CSMD3: variants seen among roughly 807,000 people sequenced by gnomAD.
CSMD3 encodes CUB and Sushi multiple domains 3, also known as CUB and sushi domain-containing protein 3.
A neutral mutation model predicts 435.2 loss-of-function variants in CSMD3; 177 were observed. The observed-to-expected ratio is 0.41, with a 90% CI of 0.36 to 0.46. The LOEUF is 0.46. Among genes scored for constraint, CSMD3 ranks in the 20% least tolerant of loss-of-function variants. The pLI is 0.34. For missense variants in CSMD3, 4,265 were observed against 4,504.6 expected, an observed-to-expected ratio of 0.95 and a Z score of 1.52; for synonymous variants, 1,656 against 1,520.5, an observed-to-expected ratio of 1.09 and a Z score of -2.07.
intron 3 of CSMD3, among the ~76,000 whole-genome samples, chr8:113,186,774 C>T (rs1437935018): frequency 3.9e-5 from 6 of 151,990 alleles, no homozygotes; most frequent in African/African-American, 1.2e-4. Flanking sequence ...CTTTATTTAA[C>T]GTTCCACAGC....
intron 10 of CSMD3, among the ~76,000 whole-genome samples, chr8:112,915,120 A>T (rs1392669582): frequency 1.3e-5 from 2 of 151,902 alleles, no homozygotes; most frequent in African/African-American, 4.8e-5. Context: ...CTATTTTAAT[A>T]ATTTTTCAAC....
At chr8:112,835,239 G>A (rs1334103697) in intron 11 of CSMD3, among the ~76,000 whole-genome samples, 1 of 151,874 alleles carries the variant, frequency 6.6e-6, no homozygotes, top group East Asian at 1.9e-4. Context: ...TTTGTTAAAA[G>A]TGGTACAGAA....
intron 13 of CSMD3, among the ~76,000 whole-genome samples, chr8:112,797,848 C>G (rs576545654): frequency 1.3e-5 from 2 of 151,770 alleles, no homozygotes; most frequent in East Asian, 3.9e-4. Context: ...AAAAAAAATC[C>G]TGGTAAACTA....
chr8:113,170,734 CAT>C (rs1025700056), intron 4 of CSMD3, among the ~76,000 whole-genome samples: 4 of 152,056 alleles, frequency 2.6e-5, no homozygotes, highest in African/African-American at 7.2e-5. Context: ...CAGCACATAA[CAT>C]AATGCTTTGC....
chr8:112,734,509 C>A (rs1336565861), intron 13 of CSMD3, among the ~76,000 whole-genome samples: 3 of 151,906 alleles, frequency 2.0e-5, no homozygotes, highest in Non-Finnish European at 4.4e-5. Context: ...AATATTTACA[C>A]ATCAATTTTT....
At chr8:112,909,406 CAT>C (rs2082346670) in intron 10 of CSMD3, among the ~76,000 whole-genome samples, 1 of 151,412 alleles carries the variant, frequency 6.6e-6, no homozygotes, top group African/African-American at 2.4e-5. Flanking sequence ...ATTTTAAACA[CAT>C]ATTTTTTTTA....
chr8:113,435,874 C>T (rs73344120), intron 1 of CSMD3, among the ~76,000 whole-genome samples: 1 of 152,168 alleles, frequency 6.6e-6, no homozygotes, highest in African/African-American at 2.4e-5. Context: ...CTGTCCCTTG[C>T]CTTCCTGCTT....
intron 22 of CSMD3, among the ~76,000 whole-genome samples, chr8:112,617,640 T>C (rs1296495826): frequency 6.6e-6 from 1 of 152,148 alleles, no homozygotes; most frequent in Non-Finnish European, 1.5e-5. Flanking sequence ...CCATGGCCAG[T>C]GGACATACAG....
intron 59 of CSMD3, among the ~76,000 whole-genome samples, chr8:112,276,315 C>A (rs149071849): frequency 6.6e-6 from 1 of 152,204 alleles, no homozygotes; most frequent in African/African-American, 2.4e-5. Context: ...CACAGGCTGG[C>A]ATTGAGTAAC....
At chr8:112,479,239 T>C (rs1165329756) in intron 31 of CSMD3, among the ~76,000 whole-genome samples, 1 of 152,288 alleles carries the variant, frequency 6.6e-6, no homozygotes, top group East Asian at 1.9e-4. Flanking sequence ...ATCACTATAG[T>C]TAGCTACAGG....
intron 22 of CSMD3, among the ~76,000 whole-genome samples, chr8:112,600,051 G>A (rs539897846): frequency 2.6e-5 from 4 of 151,664 alleles, no homozygotes; most frequent in East Asian, 3.9e-4. Context: ...AGAGGTGGAG[G>A]GTGACTGGGG....
chr8:112,572,165 T>C (rs1451948833), intron 24 of CSMD3, among the ~76,000 whole-genome samples: 1 of 152,112 alleles, frequency 6.6e-6, no homozygotes, highest in African/African-American at 2.4e-5. Context: ...CTCAATATCA[T>C]TACTTTTAGT....
intron 8 of CSMD3, among the ~76,000 whole-genome samples, chr8:112,953,799 T>C (rs2083912730): frequency 2.0e-5 from 3 of 151,548 alleles, no homozygotes; most frequent in South Asian, 2.1e-4. Context: ...ACTTATTTCA[T>C]GAGGTCATTT....
chr8:112,998,973 T>A (rs919586548), intron 6 of CSMD3, among the ~76,000 whole-genome samples: 3 of 151,996 alleles, frequency 2.0e-5, no homozygotes, highest in Non-Finnish European at 4.4e-5. Context: ...CAATTAAAAC[T>A]TTTTTCTTTA....
intron 13 of CSMD3, among the ~76,000 whole-genome samples, chr8:112,696,950 A>C (rs1269413187): frequency 1.3e-5 from 2 of 152,210 alleles, no homozygotes; most frequent in Non-Finnish European, 2.9e-5. Flanking sequence ...GAAGACATTT[A>C]TGCAGCCAAC....
At chr8:112,711,947 C>A (rs2076618180) in intron 13 of CSMD3, among the ~76,000 whole-genome samples, 1 of 152,046 alleles carries the variant, frequency 6.6e-6, no homozygotes, top group Non-Finnish European at 1.5e-5. Flanking sequence ...CCAGAAGAGT[C>A]CTACTTAGGA....
chr8:112,410,716 G>T (rs1421509222), intron 32 of CSMD3, among the ~76,000 whole-genome samples: 1 of 133,296 alleles, frequency 7.5e-6, no homozygotes, highest in African/African-American at 2.8e-5. Flanking sequence ...ATATATATAT[G>T]TATATATATA....
chr8:112,939,205 G>A (rs1314849736), intron 9 of CSMD3, among the ~76,000 whole-genome samples: 7 of 152,050 alleles, frequency 4.6e-5, no homozygotes, highest in African/African-American at 1.7e-4. Flanking sequence ...TTTTAAGTGA[G>A]TAAAGTAAAA....
chr8:112,315,110 G>A (rs1209844051), intron 47 of CSMD3, among the ~76,000 whole-genome samples: 1 of 151,786 alleles, frequency 6.6e-6, no homozygotes, highest in African/African-American at 2.4e-5. Flanking sequence ...CTGATATCAG[G>A]TATATGTTTA....
Sources: allele counts gnomAD v4.1 joint callset (sites outside exome capture counted in the v4.1 genomes callset), GRCh38; gene constraint gnomAD v4.1.1; transcripts MANE v1.5; gene names NCBI Gene and HGNC (gene_info 2026-07-23, HGNC 2026-07-21).